Variants in C1QTNF3 observed in about 807,000 individuals in gnomAD.
C1QTNF3 encodes complement C1q tumor necrosis factor-related protein 3.
Under a neutral mutation model 32.6 loss-of-function variants are expected in C1QTNF3, and 26 were observed. The observed-to-expected ratio is 0.80, with a 90% CI of 0.58 to 1.11. The LOEUF (loss-of-function observed/expected upper bound fraction) is 1.11. Among genes scored for constraint, C1QTNF3 ranks in the 50% least tolerant of loss-of-function variants. C1QTNF3 has a pLI of 0.00. For synonymous variants in C1QTNF3, 155 were observed against 146.0 expected, an observed-to-expected ratio of 1.06 and a Z score of -0.44; for missense variants, 362 against 398.2, an observed-to-expected ratio of 0.91 and a Z score of 0.77.
the C1QTNF3 span, among the ~76,000 whole-genome samples, chr5:34,108,166 G>GT: frequency 1.3e-4 from 20 of 152,056 alleles, no homozygotes; most frequent in East Asian, 3.5e-3. Flanking sequence ...AATACAACAT[G>GT]TTTTTTTGTT....
chr5:34,063,334 GTCTC>G, the C1QTNF3 span, among the ~76,000 whole-genome samples: 75 of 146,330 alleles, frequency 5.1e-4, no homozygotes, highest in African/African-American at 1.7e-3. Context: ...TTCTCTCTCT[GTCTC>G]TCTTTCTCTC....
At chr5:34,071,816 C>T in the C1QTNF3 span, among the ~76,000 whole-genome samples, 2 of 152,094 alleles carry the variant, frequency 1.3e-5, no homozygotes, top group Non-Finnish European at 2.9e-5. Context: ...TGTGGGAATG[C>T]TGAAGTTCTA....
chr5:34,060,577 A>G, the C1QTNF3 span, among the ~76,000 whole-genome samples: 6 of 152,208 alleles, frequency 3.9e-5, no homozygotes, highest in African/African-American at 1.2e-4. Context: ...TTAATTGGAC[A>G]CACAGTTCCA....
the C1QTNF3 span, among the ~76,000 whole-genome samples, chr5:34,098,491 T>C: frequency 6.6e-6 from 1 of 152,162 alleles, no homozygotes; most frequent in Non-Finnish European, 1.5e-5. Context: ...CAGGCTTTTA[T>C]GTCACCAGGT....
At chr5:34,059,263 C>G in the C1QTNF3 span, among the ~76,000 whole-genome samples, 3 of 152,100 alleles carry the variant, frequency 2.0e-5, no homozygotes, top group Non-Finnish European at 4.4e-5. Context: ...CATGTGTGCA[C>G]GTATCTGGTG....
chr5:34,077,617 T>C, the C1QTNF3 span, among the ~76,000 whole-genome samples: 2 of 151,664 alleles, frequency 1.3e-5, no homozygotes, highest in Non-Finnish European at 2.9e-5. Context: ...AGTTTAAGTA[T>C]ATAAACAATA....
the C1QTNF3 span, among the ~76,000 whole-genome samples, chr5:34,110,913 TAA>T: frequency 4.0e-4 from 60 of 148,494 alleles, no homozygotes; most frequent in African/African-American, 1.4e-3. Context: ...ATTTCTTTAG[TAA>T]AAAAAAAAAA....
the C1QTNF3 span, among the ~76,000 whole-genome samples, chr5:34,054,965 G>T: frequency 6.6e-6 from 1 of 152,152 alleles, no homozygotes; most frequent in Non-Finnish European, 1.5e-5. Context: ...ATCACATGTT[G>T]TCTTAGGCAG....
chr5:34,216,906 C>T, the C1QTNF3 span, among the ~76,000 whole-genome samples: 1 of 152,060 alleles, frequency 6.6e-6, no homozygotes, highest in Non-Finnish European at 1.5e-5. Context: ...TTGACAAAAA[C>T]ATTGGGGATA....
chr5:34,043,489 A>G (rs1229398913), upstream of C1QTNF3: 2 of 216,312 alleles, frequency 9.2e-6, no homozygotes, highest in Non-Finnish European at 1.8e-5. Flanking sequence ...GTGATTAGAC[A>G]TGGAAAGGCT....
At chr5:34,034,544 T>C (rs1754691574) in intron 2 of C1QTNF3, among the ~76,000 whole-genome samples, 1 of 152,252 alleles carries the variant, frequency 6.6e-6, no homozygotes, top group Admixed American at 6.5e-5. Flanking sequence ...TTCAGGCTTT[T>C]TGCTGTTCAT....
At chr5:34,078,661 A>G in the C1QTNF3 span, among the ~76,000 whole-genome samples, 7 of 151,756 alleles carry the variant, frequency 4.6e-5, no homozygotes, top group African/African-American at 1.7e-4. This position sits in a 1 kb window ranked among gnomAD's most constrained non-coding sequence, Gnocchi z 4.0. Context: ...CAGACGCACC[A>G]TATCACCACC....
At chr5:34,033,553 G>T in intron 2 of C1QTNF3, 95 bp from the exon 3 acceptor site, 1 of 1,477,574 alleles carries the variant, frequency 6.8e-7, no homozygotes, top group Non-Finnish European at 9.4e-7. Flanking sequence ...TATGAAAGGG[G>T]ACCATTCAGA....
chr5:34,028,783 A>G lies in C1QTNF3; in HGVS notation c.671T>C (p.Met224Thr), dbSNP rs1198091266. ...ETNIGNFFDV[M>T]TGRFGAPVSG... ...TACTGGGGCCCCAAATCTACCAGTC[A>G]TGACATCAAAGAAGTTTCCAATGTT... Residue 224 changes from methionine (M) to threonine (T), a missense_variant, in exon 4 of 6, where the codon ATG becomes ACG. Met to Thr is a moderately conservative substitution (Grantham distance 81, BLOSUM62 -1). Coordinates refer to ENST00000382065, the MANE Select transcript of C1QTNF3 (RefSeq NM_181435.6). 1.2e-6 allele frequency: 2 copies of G among 1,611,002 alleles called. No individual in the cohort carries two copies. Among genetic ancestry groups the G allele is most frequent in the African/African-American group, 1.3e-5 (1 of 74,800 alleles).
chr5:34,186,488 C>CTTTT, the C1QTNF3 span, among the ~76,000 whole-genome samples: 2 of 139,330 alleles, frequency 1.4e-5, no homozygotes, highest in African/African-American at 2.7e-5. Context: ...TTCTTTCCTC[C>CTTTT]TTTTTTTTTT....
the C1QTNF3 span, among the ~76,000 whole-genome samples, chr5:34,215,990 A>G: frequency 6.6e-6 from 1 of 152,182 alleles, no homozygotes; most frequent in Non-Finnish European, 1.5e-5. Context: ...TTAGGATCCC[A>G]ACCAGCCTGT....
At chr5:34,115,974 T>G in the C1QTNF3 span, among the ~76,000 whole-genome samples, 1 of 152,200 alleles carries the variant, frequency 6.6e-6, no homozygotes, top group African/African-American at 2.4e-5. Context: ...GGTTACTTAT[T>G]TTGGATACTG....
chr5:34,072,914 C>G, the C1QTNF3 span, among the ~76,000 whole-genome samples: 2 of 152,222 alleles, frequency 1.3e-5, no homozygotes, highest in East Asian at 3.9e-4. Context: ...ACATTGAAAT[C>G]TATTCTAAGA....
the C1QTNF3 span, among the ~76,000 whole-genome samples, chr5:34,075,874 A>ACGGGG: frequency 1.9e-5 from 2 of 107,818 alleles, no homozygotes; most frequent in Non-Finnish European, 4.2e-5. Context: ...ATAAACAATT[A>ACGGGG]TGGTGTGTGT....
Sources: gnomAD v4.1 joint callset for allele counts (sites outside exome capture counted in the v4.1 genomes callset) on GRCh38, gnomAD v4.1.1 for gene constraint, Gnocchi (gnomAD v3.1) non-coding constraint, MANE v1.5 for transcripts, NCBI Gene and HGNC (gene_info 2026-07-23, HGNC 2026-07-21) for gene names.